Variants in CLRN3 observed in about 807,000 individuals in gnomAD.
CLRN3 encodes clarin 3.
Under a neutral mutation model 16.7 loss-of-function variants are expected in CLRN3, and 12 were observed. The ratio of observed to expected loss-of-function variants is 0.72; its 90% confidence interval spans 0.46 to 1.16. CLRN3 has a LOEUF of 1.16. CLRN3 is among the 50% of genes most tolerant of loss of function. The pLI, the probability that CLRN3 is intolerant of heterozygous loss-of-function variation, is 0.00. For synonymous variants in CLRN3, 118 were observed against 113.0 expected (o/e 1.04, Z -0.28); for missense variants, 296 against 274.2 (o/e 1.08, Z -0.56).
intron 2 of CLRN3, among the ~76,000 whole-genome samples, chr10:127,879,720 C>CA (rs1283893924): frequency 1.3e-5 from 2 of 152,050 alleles, no homozygotes; most frequent in South Asian, 2.1e-4. Context: ...TGAGAACATA[C>CA]AAAAAACCAT....
rs754104842 is a variant in CLRN3 at position 127,892,616 on chromosome 10, G to C, written c.169C>G (p.Arg57Gly). Residue 57 changes from arginine to glycine, a missense_variant, in exon 1 of 3, where the codon CGT becomes GGT. Physicochemically the swap from Arg to Gly is moderately radical, Grantham distance 125. Coordinates refer to ENST00000368671, the MANE Select transcript of CLRN3 (RefSeq NM_152311.5). ...CTCAATTCTTCACTACTCTCCCCAC[G>C]AAAAAGTCCGTAAGTGATGAAAATG... ...GSIFITYGLF[R>G]GESSEELSHG... The C allele has an allele frequency of 1.2e-6, 2 of 1,613,098 alleles. No individual in the cohort carries two copies. The highest frequency in any genetic ancestry group is 1.7e-6 in the Non-Finnish European group (2 of 1,179,296).
At chr10:127,890,206 C>A (rs971568264) in intron 1 of CLRN3, among the ~76,000 whole-genome samples, 1 of 152,190 alleles carries the variant, frequency 6.6e-6, no homozygotes, top group African/African-American at 2.4e-5. Context: ...GAAATTAGAT[C>A]TCCAGAACTT....
chr10:127,890,824 T>C (rs1845249503), intron 1 of CLRN3, among the ~76,000 whole-genome samples: 2 of 152,258 alleles, frequency 1.3e-5, no homozygotes, highest in African/African-American at 4.8e-5. Flanking sequence ...AACATGACTT[T>C]CCCCTGTCTG....
At chr10:127,883,119 A>G (rs1306423162) in intron 2 of CLRN3, among the ~76,000 whole-genome samples, 2 of 152,244 alleles carry the variant, frequency 1.3e-5, no homozygotes, top group Non-Finnish European at 2.9e-5. Context: ...GCTCACAGGT[A>G]GCCCACAAAA....
chr10:127,885,334 T>C (rs1247725161), intron 1 of CLRN3, among the ~76,000 whole-genome samples: 3 of 152,194 alleles, frequency 2.0e-5, no homozygotes, highest in Non-Finnish European at 4.4e-5. Context: ...CTCATTATGC[T>C]GAGCCCAAAT....
At chr10:127,879,961 C>T (rs1409947981) in intron 2 of CLRN3, among the ~76,000 whole-genome samples, 1 of 152,124 alleles carries the variant, frequency 6.6e-6, no homozygotes, top group Non-Finnish European at 1.5e-5. Context: ...ACTCAGTGGA[C>T]ATCAAATGTA....
Position 127,883,847 on chromosome 10 carries a change from T to C in CLRN3, c.258A>G (p.Gln86=). The change falls in exon 2 of 3, where the codon CAA becomes CAG. Residue 86 remains glutamine (Q), a synonymous_variant. Coordinates refer to ENST00000368671, the MANE Select transcript of CLRN3 (RefSeq NM_152311.5). The part of the protein sequence containing the change: ...AVLEILNNSS[Q]KTLHSVTILF... ...GGATAGTCACCGAATGCAGAGTTTTTTGGGAAGAATTATTCAGTATCTCTA... is the reference window on the plus strand; with the variant it reads ...GGATAGTCACCGAATGCAGAGTTTTCTGGGAAGAATTATTCAGTATCTCTA... 6.2e-7 allele frequency: 1 copy of C among 1,614,200 alleles called. No individual in the cohort carries two copies. The highest frequency in any genetic ancestry group is 8.5e-7 in the Non-Finnish European group (1 of 1,180,032).
intron 2 of CLRN3, among the ~76,000 whole-genome samples, chr10:127,882,994 C>T (rs1845147077): frequency 6.6e-6 from 1 of 152,156 alleles, no homozygotes; most frequent in East Asian, 1.9e-4. Flanking sequence ...CCAGTGAAAG[C>T]CAGAAGACTG....
chr10:127,883,964 T>C, intron 1 of CLRN3, 89 bp from the exon 2 acceptor site: 1 of 1,242,232 alleles, frequency 8.1e-7, no homozygotes, highest in Non-Finnish European at 1.2e-6. Flanking sequence ...CTTAGTGACT[T>C]GAGTTACTGG....
At chr10:127,884,460 G>C (rs566599174) in intron 1 of CLRN3, among the ~76,000 whole-genome samples, 18 of 152,352 alleles carry the variant, frequency 1.2e-4, no homozygotes, top group African/African-American at 3.8e-4. Context: ...TGCAAATCGA[G>C]TTGTGGGTCC....
At chr10:127,887,342 C>CA (rs1010876000) in intron 1 of CLRN3, among the ~76,000 whole-genome samples, 1 of 151,762 alleles carries the variant, frequency 6.6e-6, no homozygotes, top group African/African-American at 2.4e-5. Flanking sequence ...CACTCCTTAG[C>CA]AAAAAAGGAG....
In CLRN3 at chr10:127,892,930, G is replaced by T. The variant is rs373089321; in HGVS notation, c.-146C>A. The stretch of plus-strand genomic sequence containing the variant: ...AAAATCTCACTCTTCCTGAGGAAGG[G>T]TTATGCTAATGGACATTGAACTCTG... On this transcript the variant is annotated 5_prime_UTR_variant, in exon 1 of 3. Coordinates refer to ENST00000368671, the MANE Select transcript of CLRN3 (RefSeq NM_152311.5). The T allele has an allele frequency of 2.4e-4, 147 of 617,358 alleles. 2 individuals carry two copies. The highest frequency in any genetic ancestry group is 8.5e-4 in the East Asian group (31 of 36,634). The allele number at this position is 617,358 out of a possible 1,614,324, so 38.2% of individuals were successfully genotyped here.
Position 127,877,914 on chromosome 10 carries a change from T to C in CLRN3, c.*235A>G. On this transcript the variant is annotated 3_prime_UTR_variant, in exon 3 of 3. Transcript: ENST00000368671. ...GTCAGAAGGGTCGTTACGCTCATCA[T>C]GATACTACTGCTTTGAATACCACAC... The C allele has an allele frequency of 1.9e-6, 1 of 526,540 alleles. No individual in the cohort carries two copies. Among genetic ancestry groups the C allele is most frequent in the Non-Finnish European group, 3.4e-6 (1 of 292,760 alleles). The allele number at this position is 526,540 out of a possible 1,614,324, so 32.6% of individuals were successfully genotyped here. A position where few individuals can be genotyped will look rare whatever the true frequency, so the allele number is the denominator to read the frequency against.
chr10:127,883,033 C>A (rs1452389239), intron 2 of CLRN3, among the ~76,000 whole-genome samples: 3 of 152,204 alleles, frequency 2.0e-5, no homozygotes, highest in African/African-American at 7.2e-5. Context: ...CGCTTCCCAT[C>A]TGGGCTCCAT....
At chr10:127,879,292 G>A (rs1006805475) in intron 2 of CLRN3, among the ~76,000 whole-genome samples, 1 of 152,076 alleles carries the variant, frequency 6.6e-6, no homozygotes, top group African/African-American at 2.4e-5. Flanking sequence ...ATGGAGACCG[G>A]CTTTTTCTAT....
At chr10:127,880,368 C>A (rs1472699274) in intron 2 of CLRN3, among the ~76,000 whole-genome samples, 3 of 151,748 alleles carry the variant, frequency 2.0e-5, no homozygotes, top group Admixed American at 1.3e-4. Flanking sequence ...CCTCTACCTG[C>A]CAGGCTTCTC....
intron 1 of CLRN3, among the ~76,000 whole-genome samples, chr10:127,886,517 A>G (rs943595239): frequency 2.0e-5 from 3 of 152,192 alleles, no homozygotes; most frequent in East Asian, 1.9e-4. Flanking sequence ...AGAAGCAGCA[A>G]TGACTGGTAA....
At chr10:127,882,227 GATTT>G (rs56748665) in intron 2 of CLRN3, among the ~76,000 whole-genome samples, 21,699 of 152,076 alleles carry the variant, frequency 0.14, 1,526 homozygotes, top group Middle Eastern at 0.28. Flanking sequence ...TAAATTGGGG[GATTT>G]ATTTGTTTTT....
chr10:127,881,883 C>G (rs987327744), intron 2 of CLRN3, among the ~76,000 whole-genome samples: 2 of 152,202 alleles, frequency 1.3e-5, no homozygotes, highest in Non-Finnish European at 2.9e-5. Context: ...GGAGCAATGG[C>G]AGGAAACAGT....
Sources: allele counts gnomAD v4.1 joint callset (sites outside exome capture counted in the v4.1 genomes callset), GRCh38; gene constraint gnomAD v4.1.1; transcripts MANE v1.5; gene names NCBI Gene and HGNC (gene_info 2026-07-23, HGNC 2026-07-21).